The following CLIP1 variants were observed in gnomAD, a reference collection of about 807,000 sequenced individuals.
CLIP1 encodes the protein CAP-Gly domain containing linker protein 1, also known as CAP-Gly domain-containing linker protein 1.
In CLIP1, 66 loss-of-function variants were observed where a neutral mutation model predicts 161.6. That is an observed-to-expected ratio of 0.41 (90% CI 0.33 to 0.50). The LOEUF (loss-of-function observed/expected upper bound fraction) is 0.50, where lower values mean the gene tolerates loss of function less well. CLIP1 is among the 20% of genes least tolerant of loss of function. The pLI, the probability that CLIP1 is intolerant of heterozygous loss-of-function variation, is 0.27. For missense variants in CLIP1, 1,376 were observed against 1,702.0 expected, an observed-to-expected ratio of 0.81 and a Z score of 3.37; for synonymous variants, 598 against 626.2, an observed-to-expected ratio of 0.96 and a Z score of 0.67.
chr12:122,382,654 C>T (rs529293922), intron 1 of CLIP1, among the ~76,000 whole-genome samples: 10 of 151,972 alleles, frequency 6.6e-5, no homozygotes, highest in East Asian at 3.9e-4. Context: ...TGCAGTGAGC[C>T]GAGATCGTGC....
At chr12:122,391,941 T>C (rs1176944654) in intron 1 of CLIP1, among the ~76,000 whole-genome samples, 1 of 152,156 alleles carries the variant, frequency 6.6e-6, no homozygotes, top group Non-Finnish European at 1.5e-5. Flanking sequence ...TCACTTCTTA[T>C]CACTACACAT....
At position 122,355,515 on chromosome 12, in the gene CLIP1, C is replaced by T. The variant is rs1023474157; in HGVS notation, c.1006-203G>A. 5 of 563,308 alleles carry T rather than the reference C, an allele frequency of 8.9e-6. No individual in the cohort carries two copies. The highest frequency in any genetic ancestry group is 3.8e-5 in the African/African-American group (2 of 52,992). 34.9% of individuals were successfully genotyped at this position (563,308 alleles called of 1,614,324 possible). On this transcript the variant is annotated intron_variant, in intron 5 of 25. Transcript: ENST00000620786. This position sits in a 1 kb window ranked among gnomAD's most constrained non-coding sequence, Gnocchi z 4.1. ...ATAAATCTCACAAAGAATACATCAA[C>T]GTAAAGAGATCAGCCAGGTGCGGTG...
intron 20 of CLIP1, among the ~76,000 whole-genome samples, chr12:122,292,006 A>G (rs1950267997): frequency 6.6e-6 from 1 of 151,902 alleles, no homozygotes; most frequent in Non-Finnish European, 1.5e-5. Flanking sequence ...TCATTCATTC[A>G]TTCAAGACAG....
At chr12:122,288,111 C>T (rs745726943) in intron 21 of CLIP1, among the ~76,000 whole-genome samples, 3 of 151,982 alleles carry the variant, frequency 2.0e-5, no homozygotes, top group Non-Finnish European at 4.4e-5. Flanking sequence ...CGGCTCACTG[C>T]AACCTCCGCT....
At chr12:122,321,507 G>A (rs1951501383) in intron 17 of CLIP1, among the ~76,000 whole-genome samples, 1 of 150,356 alleles carries the variant, frequency 6.7e-6, no homozygotes, top group South Asian at 2.1e-4. Context: ...CAGCCCCCGT[G>A]AGCCACCACA....
At chr12:122,411,274 G>C (rs1474972160) in intron 1 of CLIP1, among the ~76,000 whole-genome samples, 1 of 152,132 alleles carries the variant, frequency 6.6e-6, no homozygotes, top group African/African-American at 2.4e-5. Context: ...AAATTAACTG[G>C]GTGTGGTGGC....
chr12:122,420,422 C>A (rs1434956696), intron 1 of CLIP1, among the ~76,000 whole-genome samples: 1 of 151,874 alleles, frequency 6.6e-6, no homozygotes, highest in Non-Finnish European at 1.5e-5. Context: ...TTATGTCATG[C>A]TGAAGTGCAA....
At chr12:122,354,271 T>G (rs543309149) in intron 7 of CLIP1, among the ~76,000 whole-genome samples, 182 bp downstream of exon 7, 7 of 152,050 alleles carry the variant, frequency 4.6e-5, no homozygotes, top group Non-Finnish European at 1.0e-4. Context: ...GGCACATTCC[T>G]GTGGTCCCAG....
At chr12:122,370,684 G>C (rs1250116792) in intron 3 of CLIP1, among the ~76,000 whole-genome samples, 1 of 152,124 alleles carries the variant, frequency 6.6e-6, no homozygotes, top group African/African-American at 2.4e-5. Flanking sequence ...GCACAATTAT[G>C]AATAGACGCT....
At position 122,340,894 on chromosome 12, in the gene CLIP1, T is replaced by G; in HGVS notation, c.2310A>C (p.Glu770Asp). The G allele has an allele frequency of 6.2e-7, 1 of 1,614,242 alleles. No homozygotes were observed. ...GTGCATCAAGATCCAAGAGCTTTTC[T>G]TCAGTAGCCTTGAGCTGTGATGTAA... Reference protein sequence around the residue: ...DNFTSQLKATEEKLLDLDALR... With the variant: ...DNFTSQLKATDEKLLDLDALR... Residue 770 changes from glutamate to aspartate, a missense_variant, in exon 11 of 26, where the codon GAA (glutamate) becomes GAC (aspartate). Around this residue, in one of 6 missense-constraint regions of CLIP1, gnomAD observed 948 missense variants for 1,134.8 expected, o/e 0.84. Coordinates refer to ENST00000620786, the MANE Select transcript of CLIP1 (RefSeq NM_001247997.2).
chr12:122,397,650 T>C (rs564564328), intron 1 of CLIP1, among the ~76,000 whole-genome samples: 1 of 149,966 alleles, frequency 6.7e-6, no homozygotes, highest in South Asian at 2.1e-4. Context: ...ATCCTAAACT[T>C]TTCCAAAACT....
chr12:122,327,831 G>A (rs1350233469), intron 17 of CLIP1, 116 bp downstream of exon 17: 8 of 855,220 alleles, frequency 9.4e-6, no homozygotes, highest in South Asian at 1.6e-5. Flanking sequence ...GAAGGGTAAC[G>A]TCTGTAGAGG....
At position 122,341,357 on chromosome 12, in the gene CLIP1, T is replaced by C. The variant is rs1952487845; in HGVS notation, c.1847A>G (p.Asn616Ser). The C allele has an allele frequency of 6.2e-7, 1 of 1,613,966 alleles. No individual in the cohort carries two copies. Among genetic ancestry groups the C allele is most frequent in the African/African-American group, 1.3e-5 (1 of 74,898 alleles). Reference protein sequence around the residue: ...KSKLEHANKENSDVIALWKSK... With the variant: ...KSKLEHANKESSDVIALWKSK... Reference sequence around the variant, plus strand: ...CTTCCATAGAGCTATCACATCTGAGTTCTCTTTGTTGGCATGCTCCAGCTT... The same window carrying C: ...CTTCCATAGAGCTATCACATCTGAGCTCTCTTTGTTGGCATGCTCCAGCTT... The change falls in exon 11 of 26, where the codon AAC becomes AGC. Residue 616 changes from asparagine to serine, a missense_variant. Coordinates refer to ENST00000620786, the MANE Select transcript of CLIP1 (RefSeq NM_001247997.2).
chr12:122,339,191 C>A (rs538535513), intron 11 of CLIP1, among the ~76,000 whole-genome samples: 2 of 152,304 alleles, frequency 1.3e-5, no homozygotes, highest in Admixed American at 1.3e-4. Flanking sequence ...CACATGCACA[C>A]TTGTTCAGTA....
At chr12:122,290,669 C>CA (rs147752772) in intron 20 of CLIP1, among the ~76,000 whole-genome samples, 2,975 of 152,096 alleles carry the variant, frequency 0.02, 84 homozygotes, top group African/African-American at 0.067. Context: ...TTCAACCCTA[C>CA]AAAAACACAA....
chr12:122,280,774 A>T (rs1955614784), intron 21 of CLIP1: 1 of 152,274 alleles, frequency 6.6e-6, no homozygotes, highest in South Asian at 2.1e-4. Context: ...GAGGAAAATG[A>T]CAAAAATACT....
At chr12:122,370,758 T>C (rs1027227743) in intron 3 of CLIP1, among the ~76,000 whole-genome samples, 3 of 152,076 alleles carry the variant, frequency 2.0e-5, no homozygotes, top group African/African-American at 4.8e-5. Context: ...TAATCTCCGC[T>C]TCTGAAAGGC....
At chr12:122,274,012 A>T (rs368110691) in intron 25 of CLIP1, 26 bp downstream of exon 25, 20 of 1,609,422 alleles carry the variant, frequency 1.2e-5, no homozygotes, top group Non-Finnish European at 1.6e-5. Flanking sequence ...GGATTATAGC[A>T]ATCAGTATGT....
chr12:122,286,947 G>A (rs1278915918), intron 21 of CLIP1, among the ~76,000 whole-genome samples: 2 of 151,660 alleles, frequency 1.3e-5, no homozygotes, highest in East Asian at 1.9e-4. Context: ...GCAGTGAGCC[G>A]AGATCGCACC....
Sources: allele counts gnomAD v4.1 joint callset (sites outside exome capture counted in the v4.1 genomes callset), GRCh38; gene constraint gnomAD v4.1.1; regional missense constraint gnomAD v4.1.1; non-coding constraint Gnocchi (gnomAD v3.1); transcripts MANE v1.5; gene names NCBI Gene and HGNC (gene_info 2026-07-23, HGNC 2026-07-21).